The following MAP4K5 variants were observed in gnomAD, a reference collection of about 807,000 sequenced individuals.
MAP4K5 encodes MAPK/ERK kinase kinase kinase 5.
A neutral mutation model predicts 135.6 loss-of-function variants in MAP4K5; 82 were observed. The ratio of observed to expected loss-of-function variants is 0.60; its 90% CI spans 0.51 to 0.73. The LOEUF (loss-of-function observed/expected upper bound fraction) is 0.73. Among genes scored for constraint, MAP4K5 ranks in the 30% least tolerant of loss-of-function variants. The pLI is 0.00. For synonymous variants in MAP4K5, 347 were observed against 335.0 expected, an observed-to-expected ratio of 1.04 and a Z score of -0.39; for missense variants, 907 against 1,010.9, an observed-to-expected ratio of 0.90 and a Z score of 1.39.
intron 31 of MAP4K5, among the ~76,000 whole-genome samples, chr14:50,423,836 T>A (rs1487739824): frequency 6.6e-6 from 1 of 152,120 alleles, no homozygotes; most frequent in Non-Finnish European, 1.5e-5. Flanking sequence ...GTGCCCGCAG[T>A]TTGTATACCT....
Position 50,475,148 on chromosome 14 carries a change from A to G in MAP4K5, c.471T>C (p.Ala157=). 6.2e-7 allele frequency: 1 copy of G among 1,613,782 alleles called. No individual in the cohort carries two copies. The highest frequency in any genetic ancestry group is 1.3e-5 in the African/African-American group (1 of 75,066). The change falls in exon 9 of 33, where the codon GCT becomes GCC. Residue 157 remains alanine, a splice_region_variant and synonymous_variant. Coordinates refer to ENST00000682126, the MANE Select transcript of MAP4K5 (RefSeq NM_006575.6). ...LLTDHGDVKL[A]DFGVAAKITA... is the part of the protein sequence containing the mutation. ...TTATTTTTGCAGCCACACCAAAGTC[A>G]GCTAGTGAGGAAAAAAACAGAAAAT... is the stretch of plus-strand genomic sequence containing the variant.
intron 2 of MAP4K5, among the ~76,000 whole-genome samples, chr14:50,519,066 T>C (rs1398640766): frequency 3.3e-5 from 5 of 152,150 alleles, no homozygotes; most frequent in African/African-American, 9.7e-5. Context: ...TAAAGAAATA[T>C]TGGAGACAAT....
chr14:50,423,633 G>C (rs1448683763), intron 31 of MAP4K5, among the ~76,000 whole-genome samples: 1 of 152,048 alleles, frequency 6.6e-6, no homozygotes, highest in Non-Finnish European at 1.5e-5. Flanking sequence ...CCTGGGCACA[G>C]TGGTGCATGC....
chr14:50,420,154 T>C, intron 32 of MAP4K5, 48 bp from the exon 33 acceptor site: 1 of 942,264 alleles, frequency 1.1e-6, no homozygotes. Context: ...ACAGATTTCA[T>C]ACATCAAATA....
chr14:50,480,263 G>A (rs1006113153), intron 6 of MAP4K5, among the ~76,000 whole-genome samples: 2 of 151,760 alleles, frequency 1.3e-5, no homozygotes, highest in African/African-American at 2.4e-5. Flanking sequence ...TGGAGAAAGC[G>A]GTATCCATCC....
At chr14:50,488,260 ACT>A (rs1006073542) in intron 3 of MAP4K5, among the ~76,000 whole-genome samples, 1 of 152,124 alleles carries the variant, frequency 6.6e-6, no homozygotes, top group Non-Finnish European at 1.5e-5. Flanking sequence ...ATGAGAACTC[ACT>A]ATCATGAGAA....
intron 3 of MAP4K5, among the ~76,000 whole-genome samples, chr14:50,493,462 G>C (rs922607927): frequency 8.6e-5 from 13 of 151,820 alleles, no homozygotes; most frequent in African/African-American, 2.9e-4. Context: ...CATTTCTCAT[G>C]TCATTAAAAA....
intron 2 of MAP4K5, among the ~76,000 whole-genome samples, chr14:50,516,329 A>C (rs998301168): frequency 2.0e-5 from 3 of 152,204 alleles, no homozygotes; most frequent in Admixed American, 6.5e-5. Context: ...AGGGATACAG[A>C]TGGGGGCTCA....
At chr14:50,530,099 A>T (rs2038354320) in intron 2 of MAP4K5, among the ~76,000 whole-genome samples, 2 of 152,222 alleles carry the variant, frequency 1.3e-5, no homozygotes. Flanking sequence ...ATGAATATAC[A>T]TGTAAGTGTG....
intron 2 of MAP4K5, among the ~76,000 whole-genome samples, chr14:50,541,748 C>T (rs567506969): frequency 3.3e-5 from 5 of 152,004 alleles, no homozygotes; most frequent in Admixed American, 2.6e-4. Flanking sequence ...TGGCCAGGCG[C>T]GGTGGCTCAC....
At chr14:50,452,814 G>A (rs60858754) in intron 14 of MAP4K5, among the ~76,000 whole-genome samples, 3 of 152,348 alleles carry the variant, frequency 2.0e-5, no homozygotes, top group Non-Finnish European at 2.9e-5. Flanking sequence ...TTCTGAAGCA[G>A]ATGACTACAA....
intron 14 of MAP4K5, chr14:50,450,066 C>G (rs374338858): frequency 6.6e-6 from 1 of 152,282 alleles, no homozygotes; most frequent in South Asian, 2.1e-4. Context: ...CTCAGCCTCC[C>G]GAGTAGCTGG....
In MAP4K5 at chr14:50,532,110, G is replaced by T; in HGVS notation, c.-61C>A. 9.6e-7 allele frequency: 1 copy of T among 1,044,280 alleles called. No homozygotes were observed. The highest frequency in any genetic ancestry group is 1.4e-6 in the Non-Finnish European group (1 of 708,086). The allele number at this position is 1,044,280 out of a possible 1,614,324, so 64.7% of individuals were successfully genotyped here. ...GCGGCTCCCGGATTCCCGCTAACAA[G>T]CACGAACGGCGCCGCTTCCCAACAT... On this transcript the variant is annotated 5_prime_UTR_variant, in exon 2 of 33. Transcript: ENST00000682126.
chr14:50,473,227 A>T (rs540106503), intron 9 of MAP4K5, among the ~76,000 whole-genome samples: 1 of 152,046 alleles, frequency 6.6e-6, no homozygotes, highest in Non-Finnish European at 1.5e-5. Flanking sequence ...AGTCTTTGTT[A>T]ATTTTGGGGC....
At chr14:50,473,740 T>A (rs2037026908) in intron 9 of MAP4K5, among the ~76,000 whole-genome samples, 1 of 130,722 alleles carries the variant, frequency 7.6e-6, no homozygotes, top group Non-Finnish European at 1.7e-5. Context: ...TTTTTTTTTT[T>A]TGAGACGGAG....
At chr14:50,466,040 C>A (rs1323824693) in intron 11 of MAP4K5, among the ~76,000 whole-genome samples, 2 of 152,100 alleles carry the variant, frequency 1.3e-5, no homozygotes, top group African/African-American at 4.8e-5. Flanking sequence ...CGCCACTGTA[C>A]TACAGCCTGG....
intron 13 of MAP4K5, among the ~76,000 whole-genome samples, chr14:50,460,334 T>G (rs1478244487): frequency 6.6e-6 from 1 of 152,152 alleles, no homozygotes; most frequent in East Asian, 1.9e-4. Context: ...CCCAACTGCC[T>G]GGCACGTGGT....
intron 1 of MAP4K5, among the ~76,000 whole-genome samples, chr14:50,550,195 G>C (rs58216994): frequency 4.6e-5 from 7 of 152,204 alleles, no homozygotes; most frequent in Non-Finnish European, 1.0e-4. Context: ...GGCAAGGCTG[G>C]AAGCTTACCA....
intron 3 of MAP4K5, among the ~76,000 whole-genome samples, chr14:50,500,490 C>T (rs1238157335): frequency 4.6e-5 from 7 of 152,060 alleles, no homozygotes; most frequent in Non-Finnish European, 1.0e-4. Context: ...GAAACATATG[C>T]GATGAGCTCA....
Sources: gnomAD v4.1 joint callset for allele counts (sites outside exome capture counted in the v4.1 genomes callset) on GRCh38, gnomAD v4.1.1 for gene constraint, MANE v1.5 for transcripts, NCBI Gene and HGNC (gene_info 2026-07-23, HGNC 2026-07-21) for gene names.